The following DGKI variants were observed in gnomAD, a reference collection of about 807,000 sequenced individuals.
DGKI encodes DAG kinase iota.
Under a neutral mutation model 147.5 loss-of-function variants are expected in DGKI, and 55 were observed. The ratio of observed to expected loss-of-function variants is 0.37; its 90% CI spans 0.30 to 0.47. DGKI has a LOEUF of 0.47. DGKI is among the 20% of genes least tolerant of loss of function. DGKI has a pLI of 1.00. For missense variants in DGKI, 1,007 were observed against 1,323.8 expected, an observed-to-expected ratio of 0.76 and a Z score of 3.71; for synonymous variants, 469 against 477.1, an observed-to-expected ratio of 0.98 and a Z score of 0.22.
At chr7:137,798,662 C>T (rs755612037) in intron 1 of DGKI, among the ~76,000 whole-genome samples, 6 of 152,058 alleles carry the variant, frequency 3.9e-5, no homozygotes, top group Admixed American at 6.6e-5. Context: ...TCAAGCAATC[C>T]ACCCACTTCA....
intron 21 of DGKI, among the ~76,000 whole-genome samples, chr7:137,497,108 CAAA>C (rs57051537): frequency 4.9e-5 from 6 of 123,216 alleles, no homozygotes; most frequent in African/African-American, 1.4e-4. Flanking sequence ...AACAAATTTA[CAAA>C]AAAAAAAAAA....
At chr7:137,722,904 G>T (rs200117699) in intron 1 of DGKI, 5 of 602,262 alleles carry the variant, frequency 8.3e-6, no homozygotes, top group African/African-American at 7.4e-5. Flanking sequence ...AAAAAAAAAA[G>T]TATAGCATAG....
chr7:137,591,165 C>T (rs752780784), intron 12 of DGKI, among the ~76,000 whole-genome samples: 21 of 152,218 alleles, frequency 1.4e-4, no homozygotes, highest in Non-Finnish European at 2.9e-4. Context: ...TTGGTCTATG[C>T]AGAAAAGGAC....
chr7:137,656,667 C>A (rs1389330617), intron 3 of DGKI, 127 bp from the exon 4 acceptor site: 10 of 891,484 alleles, frequency 1.1e-5, no homozygotes, highest in African/African-American at 1.7e-5. Context: ...ATTTCTATTA[C>A]AAAGCAAATT....
intron 1 of DGKI, among the ~76,000 whole-genome samples, chr7:137,773,178 T>C (rs1796260741): frequency 6.6e-6 from 1 of 152,176 alleles, no homozygotes; most frequent in African/African-American, 2.4e-5. Context: ...AACAGTACAA[T>C]CATCTGCAAA....
chr7:137,395,698 C>T lies in DGKI; in HGVS notation c.2958-1G>A. ...AGCCTTGTGCAGTGCAGTCTCACCC[C>T]TAAATCAAAGATGAAATGGGAAACC... On this transcript the variant is annotated splice_acceptor_variant, in intron 31 of 32. Transcript: ENST00000614521. LOFTEE classifies it high-confidence loss of function. The T allele has an allele frequency of 6.2e-7, 1 of 1,613,506 alleles. No homozygotes were observed. Among genetic ancestry groups the T allele is most frequent in the Non-Finnish European group, 8.5e-7 (1 of 1,179,484 alleles).
At chr7:137,753,045 TACAC>T (rs3054913) in intron 1 of DGKI, among the ~76,000 whole-genome samples, 69,136 of 150,132 alleles carry the variant, frequency 0.46, 18,720 homozygotes, top group African/African-American at 0.76. Flanking sequence ...CGAATGTACA[TACAC>T]ACACACACAC....
intron 10 of DGKI, among the ~76,000 whole-genome samples, chr7:137,606,252 C>A (rs1468263172): frequency 6.6e-6 from 1 of 151,280 alleles, no homozygotes; most frequent in Non-Finnish European, 1.5e-5. Flanking sequence ...TTTTTCTTGC[C>A]AGTAGGTGGC....
intron 1 of DGKI, among the ~76,000 whole-genome samples, chr7:137,822,409 A>G (rs1189930977): frequency 2.0e-5 from 3 of 152,108 alleles, no homozygotes; most frequent in Admixed American, 6.5e-5. Context: ...TCTGTCTCCA[A>G]AATAATAATA....
intron 8 of DGKI, among the ~76,000 whole-genome samples, chr7:137,609,813 C>T (rs1820307122): frequency 6.6e-6 from 1 of 152,076 alleles, no homozygotes; most frequent in Non-Finnish European, 1.5e-5. Context: ...CTCTCCACCA[C>T]ACGGAGAGGC....
At chr7:137,571,911 A>T (rs2128976298) in intron 18 of DGKI, among the ~76,000 whole-genome samples, 1 of 152,360 alleles carries the variant, frequency 6.6e-6, no homozygotes, top group Middle Eastern at 3.4e-3. Context: ...GAGAAAGAAT[A>T]ATAAAGCAAA....
At chr7:137,819,882 GT>G (rs1212976984) in intron 1 of DGKI, among the ~76,000 whole-genome samples, 1 of 152,096 alleles carries the variant, frequency 6.6e-6, no homozygotes, top group Non-Finnish European at 1.5e-5. Context: ...ACTATTCCTT[GT>G]CCCCCTACAG....
intron 1 of DGKI, among the ~76,000 whole-genome samples, chr7:137,732,335 C>T (rs1183451430): frequency 1.3e-5 from 2 of 151,978 alleles, no homozygotes; most frequent in East Asian, 3.9e-4. Context: ...TTCAACTTTG[C>T]CTGATTTGCA....
At chr7:137,414,027 G>T (rs945729144) in intron 28 of DGKI, among the ~76,000 whole-genome samples, 2 of 152,126 alleles carry the variant, frequency 1.3e-5, no homozygotes, top group African/African-American at 4.8e-5. Flanking sequence ...AATGTATTTT[G>T]CAAAGTGATA....
chr7:137,477,339 C>A (rs1052473997), intron 23 of DGKI, among the ~76,000 whole-genome samples: 3 of 152,164 alleles, frequency 2.0e-5, no homozygotes, highest in African/African-American at 7.2e-5. Flanking sequence ...ATAATCTTCA[C>A]ACAAATATAG....
intron 3 of DGKI, among the ~76,000 whole-genome samples, chr7:137,658,643 T>G (rs1822308994): frequency 6.6e-6 from 1 of 152,198 alleles, no homozygotes; most frequent in African/African-American, 2.4e-5. Flanking sequence ...CAGGGATTTC[T>G]TAGTCTGTTA....
intron 21 of DGKI, among the ~76,000 whole-genome samples, chr7:137,515,910 C>T (rs993908301): frequency 8.6e-5 from 13 of 151,866 alleles, no homozygotes; most frequent in Non-Finnish European, 1.8e-4. Flanking sequence ...AAACTAAGCA[C>T]GAAACTCTGG....
Sources: allele counts gnomAD v4.1 joint callset (sites outside exome capture counted in the v4.1 genomes callset), GRCh38; gene constraint gnomAD v4.1.1; transcripts MANE v1.5; gene names NCBI Gene and HGNC (gene_info 2026-07-23, HGNC 2026-07-21).